FBN3: variants seen among roughly 807,000 people sequenced by gnomAD.
FBN3 encodes fibrillin-3.
FBN3 carries 234 observed loss-of-function variants against 330.1 expected under a neutral mutation model. The ratio of observed to expected loss-of-function variants is 0.71; its 90% confidence interval spans 0.64 to 0.79. The LOEUF is 0.79. FBN3 is among the 30% of genes least tolerant of loss of function. The pLI is 0.00. For missense variants in FBN3, 3,606 were observed against 3,886.9 expected, an observed-to-expected ratio of 0.93 and a Z score of 1.92; for synonymous variants, 1,458 against 1,517.3, an observed-to-expected ratio of 0.96 and a Z score of 0.91.
Position 8,146,199 on chromosome 19 carries a change from C to T in FBN3, c.277G>A (p.Gly93Ser). The change falls in exon 4 of 64, where the codon GGC becomes AGC. Residue 93 changes from glycine (G) to serine (S), a missense_variant. Transcript: ENST00000600128. ...VPICRRACGE[G>S]FCSQPNLCTC... ...CACAGGTTGGGCTGGGAGCAGAAGC[C>T]TTCACCGCAGGCGCGCCTACAGATG... is the stretch of plus-strand genomic sequence containing the variant. The T allele has an allele frequency of 6.2e-7, 1 of 1,600,250 alleles. No homozygotes were observed. Among genetic ancestry groups the T allele is most frequent in the Non-Finnish European group, 8.5e-7 (1 of 1,174,866 alleles).
intron 21 of FBN3, 25 bp from the exon 22 acceptor site, chr19:8,126,042 G>A (rs748945163): frequency 1.2e-6 from 2 of 1,613,722 alleles, no homozygotes; most frequent in East Asian, 2.2e-5. Context: ...GGGAAAGCCG[G>A]AGGGTCCAGG....
At chr19:8,127,662 C>T (rs1312154275) in intron 18 of FBN3, among the ~76,000 whole-genome samples, 1 of 152,204 alleles carries the variant, frequency 6.6e-6, no homozygotes, top group Non-Finnish European at 1.5e-5. Context: ...CAGGGAAATA[C>T]TTAACTTACG....
At chr19:8,082,742 C>G (rs1191583473) in intron 57 of FBN3, among the ~76,000 whole-genome samples, 2 of 152,150 alleles carry the variant, frequency 1.3e-5, no homozygotes, top group African/African-American at 4.8e-5. Flanking sequence ...GATGTGCCCA[C>G]CTTGGCCTCC....
chr19:8,119,091 A>C, intron 25 of FBN3, 69 bp from the exon 26 acceptor site: 5 of 1,518,492 alleles, frequency 3.3e-6, no homozygotes, highest in Non-Finnish European at 4.5e-6. Flanking sequence ...GATGAGGCTC[A>C]TGCTGGCTTC....
chr19:8,126,085 G>A, intron 21 of FBN3, 68 bp from the exon 22 acceptor site: 2 of 1,605,190 alleles, frequency 1.2e-6, no homozygotes, highest in Non-Finnish European at 1.7e-6. Flanking sequence ...CATTCCCCTG[G>A]GGTCTCAAGT....
chr19:8,142,021 G>A lies in FBN3; in HGVS notation c.658C>T (p.Leu220Phe), dbSNP rs1489422916. The change falls in exon 7 of 64, where the codon CTT becomes TTT. Residue 220 changes from leucine (L) to phenylalanine (F), a missense_variant. Leu to Phe is a conservative substitution (Grantham distance 22). Transcript: ENST00000600128. ...TGTGCAGGGCAAAGTTCACATGGAA[G>A]GCCCCAGGCACGGCCCACAGTGGCA... ...CCATVGRAWG[L>F]PCELCPAQPH... 1 of 1,614,192 alleles carries A rather than the reference G, an allele frequency of 6.2e-7. No homozygotes were observed. Among genetic ancestry groups the A allele is most frequent in the African/African-American group, 1.3e-5 (1 of 75,076 alleles).
intron 20 of FBN3, 29 bp from the exon 21 acceptor site, chr19:8,126,376 A>G: frequency 6.3e-7 from 1 of 1,585,076 alleles, no homozygotes; most frequent in Non-Finnish European, 8.6e-7. Flanking sequence ...GAGTGAAGAG[A>G]GGAGTCATTT....
At position 8,133,098 on chromosome 19, in the gene FBN3, CGTT is replaced by C. The variant is rs777117951; in HGVS notation, c.1597_1599del (p.Asn533del). 28 of 1,575,774 alleles carry C rather than the reference CGTT, an allele frequency of 1.8e-5. No individual in the cohort carries two copies. The East Asian group carries it at 4.6e-4, about 26-fold the overall frequency. ...ACGCACATGGTGCTGGTGGCACACT[CGTT>C]GTGGTCTGGGGACAACAGCAGAGGC... On this transcript the variant is annotated inframe_deletion, in exon 14 of 64. Transcript: ENST00000600128.
chr19:8,138,351 C>T (rs1275903976), intron 9 of FBN3, 28 bp from the exon 10 acceptor site: 4 of 1,611,276 alleles, frequency 2.5e-6, no homozygotes, highest in Non-Finnish European at 2.5e-6. Flanking sequence ...TGAGGCCAGG[C>T]CCTTGGCCCT....
In FBN3 at chr19:8,138,209, G is replaced by A. The variant is rs200718957; in HGVS notation, c.1133C>T (p.Ala378Val). ...ATCAGAGCCATGGGGGTTGAGTCGC[G>A]CTGGCCCAAGAGGGGGACCCATGCC... ...SNGMGPPLGP[A>V]RLNPHGSDAR... Residue 378 changes from alanine to valine, a missense_variant, in exon 10 of 64, where the codon GCG becomes GTG. Coordinates refer to ENST00000600128, the MANE Select transcript of FBN3 (RefSeq NM_032447.5). 23 of 1,612,416 alleles carry A rather than the reference G, an allele frequency of 1.4e-5. No homozygotes were observed. Among genetic ancestry groups the A allele is most frequent in the South Asian group, 4.4e-5 (4 of 90,886 alleles).
chr19:8,132,854 C>T (rs2083181003), intron 14 of FBN3, 130 bp downstream of exon 14: 1 of 1,066,980 alleles, frequency 9.4e-7, no homozygotes, highest in Non-Finnish European at 1.3e-6. Context: ...CTCTTTTTCT[C>T]CCTGCCCCTT....
rs2082912489 is a variant in FBN3, at chr19:8,123,815, C to T, written c.2925G>A (p.Arg975=). The T allele has an allele frequency of 6.2e-7, 1 of 1,612,996 alleles. No homozygotes were observed. The highest frequency in any genetic ancestry group is 1.3e-5 in the African/African-American group (1 of 74,932). The change falls in exon 23 of 64, where the codon CGG becomes CGA. Residue 975 remains arginine (R), a synonymous_variant. Transcript: ENST00000600128. The stretch of plus-strand genomic sequence containing the variant: ...AGAATGGTCGGCCAGACAGGAAGTC[C>T]CGGCTGGCGAAGCCCAGCCCCCGCG... ...LCPRGLGFAS[R]DFLSGRPFYK...
Position 8,086,181 on chromosome 19 carries a change from C to A in FBN3, c.6880+19G>T. ...ATGGTAGGTGGTTGCAACCACTGTG[C>A]GTGTCCAGCCACACTCACCGTGGCA... On this transcript the variant is annotated intron_variant, in intron 55 of 63. Coordinates refer to ENST00000600128, the MANE Select transcript of FBN3 (RefSeq NM_032447.5). 2 of 1,491,774 alleles carry A rather than the reference C, an allele frequency of 1.3e-6. No homozygotes were observed. The highest frequency in any genetic ancestry group is 1.2e-5 in the South Asian group (1 of 84,566). 92.4% of individuals were successfully genotyped at this position (1,491,774 alleles called of 1,614,324 possible).
chr19:8,091,689 C>A (rs2082099061), intron 47 of FBN3, 99 bp from the exon 48 acceptor site: 1 of 1,375,156 alleles, frequency 7.3e-7, no homozygotes. Flanking sequence ...AGTGCAGGTC[C>A]AGCCAGGGGC....
chr19:8,086,597 C>T (rs1332566460), intron 54 of FBN3, among the ~76,000 whole-genome samples: 2 of 149,160 alleles, frequency 1.3e-5, no homozygotes, highest in African/African-American at 4.9e-5. Context: ...GCTGGGATTA[C>T]AGGTGCCCGC....
At position 8,142,111 on chromosome 19, in the gene FBN3, G is replaced by A; in HGVS notation, c.568C>T (p.Gln190Ter). The part of the protein sequence containing the change: ...RDYRTGPCFG[Q>*]VGPEGCQHQL... ...TGCTGGCACCCCTCGGGGCCTACTT[G>A]GCCAAAGCAGGGTCCCGTCCGGTAA... Residue 190 changes from glutamine to a stop codon, truncating the protein, a stop_gained, in exon 7 of 64, where the codon CAA becomes TAA. Transcript: ENST00000600128. LOFTEE classifies it high-confidence loss of function. 1 of 1,612,070 alleles carries A rather than the reference G, an allele frequency of 6.2e-7. No individual in the cohort carries two copies. The highest frequency in any genetic ancestry group is 8.5e-7 in the Non-Finnish European group (1 of 1,179,088).
At chr19:8,101,363 G>A (rs1599342529) in intron 40 of FBN3, among the ~76,000 whole-genome samples, 1 of 152,128 alleles carries the variant, frequency 6.6e-6, no homozygotes, top group East Asian at 1.9e-4. Flanking sequence ...GCCCCTAGAA[G>A]TCCCCTTCCC....
At chr19:8,139,945 C>A (rs955121890) in intron 8 of FBN3, among the ~76,000 whole-genome samples, 6 of 151,908 alleles carry the variant, frequency 3.9e-5, no homozygotes, top group Non-Finnish European at 8.8e-5. Context: ...TCCCCTTGCA[C>A]CTGGGGGCCC....
At chr19:8,083,964 G>A (rs1419983847) in intron 56 of FBN3, among the ~76,000 whole-genome samples, 4 of 151,698 alleles carry the variant, frequency 2.6e-5, no homozygotes, top group Non-Finnish European at 2.9e-5. Context: ...CACCACGCCC[G>A]GCTAATTTTT....
Sources: allele counts gnomAD v4.1 joint callset (sites outside exome capture counted in the v4.1 genomes callset), GRCh38; gene constraint gnomAD v4.1.1; transcripts MANE v1.5; gene names NCBI Gene and HGNC (gene_info 2026-07-23, HGNC 2026-07-21).